PSPH: variants seen among roughly 807,000 people sequenced by gnomAD.
The protein encoded by PSPH is L-3-phosphoserine phosphatase.
Under a neutral mutation model 23.4 loss-of-function variants are expected in PSPH, and 16 were observed. That is an observed-to-expected ratio of 0.68 (90% confidence interval 0.46 to 1.04). The LOEUF (loss-of-function observed/expected upper bound fraction) is 1.04. PSPH is among the 50% of genes least tolerant of loss of function. The probability of loss-of-function intolerance (pLI) is 0.00; values close to 1 mark genes in which losing one functional copy is unlikely to be tolerated. For missense variants in PSPH, 223 were observed against 273.7 expected (o/e 0.81, Z 1.31); for synonymous variants, 68 against 99.7 (o/e 0.68, Z 1.89).
chr7:56,017,850 G>A (rs951844124), intron 5 of PSPH, among the ~76,000 whole-genome samples: 7 of 151,408 alleles, frequency 4.6e-5, no homozygotes, highest in African/African-American at 1.5e-4. Flanking sequence ...AGCCTCCCGA[G>A]TAGCTGGGAC....
At chr7:56,025,033 ACCTCAAATGATCCTCCTG>A (rs1016532464) in intron 3 of PSPH, among the ~76,000 whole-genome samples, 2 of 151,576 alleles carry the variant, frequency 1.3e-5, no homozygotes, top group African/African-American at 4.8e-5. Context: ...CGAACTCCTG[ACCTCAAATGATCCTCCTG>A]CCTCAGCCTC....
Position 56,023,227 on chromosome 7 carries a change from T to C in PSPH, c.-19-1996A>G, listed in dbSNP as rs1382820651. Among the ~76,000 whole-genome samples the C allele has an allele frequency of 2.6e-5, 4 of 152,080 alleles. No individual in the cohort carries two copies. In the East Asian group the frequency reaches 7.7e-4, roughly 29 times the overall value. ...CAGGAAGAAACTCTGGAAGCCACAC[T>C]GCTACAGAAGCTGCAGAGGACAGAG... On this transcript the variant is annotated intron_variant, in intron 3 of 7. Coordinates refer to ENST00000275605, the MANE Select transcript of PSPH (RefSeq NM_004577.4).
At chr7:56,015,728 G>A (rs944456360) in intron 6 of PSPH, among the ~76,000 whole-genome samples, 14 of 151,664 alleles carry the variant, frequency 9.2e-5, no homozygotes, top group African/African-American at 2.7e-4. Context: ...GTGTGATCTC[G>A]GCTCACTGCA....
intron 3 of PSPH, among the ~76,000 whole-genome samples, chr7:56,025,738 C>T (rs1440725443): frequency 6.6e-6 from 1 of 152,122 alleles, no homozygotes; most frequent in Non-Finnish European, 1.5e-5. Flanking sequence ...AGACTATAGG[C>T]ACGTGCCACC....
chr7:56,040,317 A>C (rs1305800970), intron 1 of PSPH, among the ~76,000 whole-genome samples: 1 of 152,120 alleles, frequency 6.6e-6, no homozygotes, highest in Non-Finnish European at 1.5e-5. Flanking sequence ...GTCTATATCC[A>C]GGTATGATAT....
At chr7:56,047,468 C>T (rs1317099898) in intron 1 of PSPH, among the ~76,000 whole-genome samples, 1 of 151,918 alleles carries the variant, frequency 6.6e-6, no homozygotes, top group African/African-American at 2.4e-5. Context: ...CATATTTTCC[C>T]ATAAGATGCT....
In PSPH at chr7:56,011,800, T is replaced by C. The variant is rs1320982391; in HGVS notation, c.640A>G (p.Thr214Ala). The stretch of plus-strand genomic sequence containing the variant: ...TCTCCCAGCAGCTCTACAAAATCAG[T>C]GATATACCATTTGGCGTTATCCTTG... Reference protein sequence around the residue: ...QVKDNAKWYITDFVELLGELE... With the variant: ...QVKDNAKWYIADFVELLGELE... The change falls in exon 8 of 8, where the codon ACT becomes GCT. Residue 214 changes from threonine to alanine, a missense_variant. By Grantham distance (58) the Thr-to-Ala change is moderately conservative. Transcript: ENST00000275605. 1.2e-6 allele frequency: 2 copies of C among 1,613,226 alleles called. No individual in the cohort carries two copies.
At chr7:56,021,300 C>G in intron 3 of PSPH, 69 bp from the exon 4 acceptor site, 2 of 1,433,448 alleles carry the variant, frequency 1.4e-6, no homozygotes. Flanking sequence ...ACCTTGCCTA[C>G]TAAGCCAATC....
At chr7:56,025,740 C>T (rs532778774) in intron 3 of PSPH, among the ~76,000 whole-genome samples, 2 of 152,228 alleles carry the variant, frequency 1.3e-5, no homozygotes, top group South Asian at 2.1e-4. Context: ...ACTATAGGCA[C>T]GTGCCACCAC....
chr7:56,028,104 C>T (rs1475752394), intron 3 of PSPH, among the ~76,000 whole-genome samples: 1 of 151,772 alleles, frequency 6.6e-6, no homozygotes, highest in Admixed American at 6.6e-5. Flanking sequence ...AGGTACATTT[C>T]CTCCACTAAA....
In PSPH at chr7:56,034,050, C is replaced by T. The variant is rs888151796; in HGVS notation, c.-235G>A. 6 of 152,608 alleles carry T rather than the reference C, an allele frequency of 3.9e-5. No homozygotes were observed. The highest frequency in any genetic ancestry group is 1.4e-4 in the African/African-American group (6 of 41,478). The allele number at this position is 152,608 out of a possible 1,614,324, so 9.5% of individuals were successfully genotyped here. ...GCTCCGACGCTCGGGCGAGCAGTTCCCAGGGAGGTGAGCTGTGCAGACCCA... is the reference window on the plus strand; with the variant it reads ...GCTCCGACGCTCGGGCGAGCAGTTCTCAGGGAGGTGAGCTGTGCAGACCCA... On this transcript the variant is annotated 5_prime_UTR_variant, in exon 2 of 8. Transcript: ENST00000275605.
intron 7 of PSPH, 78 bp from the exon 8 acceptor site, chr7:56,011,947 C>T (rs1374065413): frequency 8.2e-7 from 1 of 1,214,794 alleles, no homozygotes; most frequent in African/African-American, 1.5e-5. Flanking sequence ...GCTCTGTCAC[C>T]CAGGCTGGAG....
intron 6 of PSPH, among the ~76,000 whole-genome samples, chr7:56,016,058 A>T (rs1384592976): frequency 1.3e-5 from 2 of 151,822 alleles, no homozygotes; most frequent in East Asian, 3.9e-4. Context: ...TAATTACCAC[A>T]CTCATTCTTG....
At chr7:56,017,472 T>C in intron 5 of PSPH, 93 bp from the exon 6 acceptor site, 1 of 1,548,072 alleles carries the variant, frequency 6.5e-7, no homozygotes, top group Non-Finnish European at 8.7e-7. Flanking sequence ...AGATACATTT[T>C]CTTCTCCTGA....
At position 56,051,160 on chromosome 7, in the gene PSPH, G is replaced by A. The variant is rs1793998049; in HGVS notation, c.-314C>T. 1 of 152,236 alleles carries A rather than the reference G, an allele frequency of 6.6e-6. No individual in the cohort carries two copies. Among genetic ancestry groups the A allele is most frequent in the Admixed American group, 6.5e-5 (1 of 15,270 alleles). 9.4% of individuals were successfully genotyped at this position (152,236 alleles called of 1,614,324 possible). A position where few individuals can be genotyped will look rare whatever the true frequency, so the allele number is the denominator to read the frequency against. ...TACCTTAAAAGGGAGTCCGCTCAAAGGCAGGAATGACTCTACAAGGGTGAA... is the reference window on the plus strand; with the variant it reads ...TACCTTAAAAGGGAGTCCGCTCAAAAGCAGGAATGACTCTACAAGGGTGAA... On this transcript the variant is annotated 5_prime_UTR_variant, in exon 1 of 8. Coordinates refer to ENST00000275605, the MANE Select transcript of PSPH (RefSeq NM_004577.4).
chr7:56,026,308 T>A (rs989585694), intron 3 of PSPH, among the ~76,000 whole-genome samples: 1 of 151,316 alleles, frequency 6.6e-6, no homozygotes, highest in African/African-American at 2.4e-5. Context: ...AAACCCCATC[T>A]CTACTAAAAA....
intron 7 of PSPH, among the ~76,000 whole-genome samples, chr7:56,014,336 C>T (rs534030833): frequency 3.2e-4 from 49 of 152,194 alleles, no homozygotes; most frequent in African/African-American, 1.2e-3. Flanking sequence ...GGGGATAAGG[C>T]ATTGTTAAAA....
At chr7:56,012,547 C>T (rs71543777) in intron 7 of PSPH, among the ~76,000 whole-genome samples, 8,299 of 151,840 alleles carry the variant, frequency 0.055, 296 homozygotes, top group Admixed American at 0.078. Flanking sequence ...TACTTTTATG[C>T]ATTCCTCATT....
At chr7:56,022,111 T>A (rs1789556426) in intron 3 of PSPH, among the ~76,000 whole-genome samples, 1 of 152,018 alleles carries the variant, frequency 6.6e-6, no homozygotes, top group African/African-American at 2.4e-5. Context: ...GAGGATTGCT[T>A]GAGGCCAGGA....
Sources: allele counts gnomAD v4.1 joint callset (sites outside exome capture counted in the v4.1 genomes callset), GRCh38; gene constraint gnomAD v4.1.1; transcripts MANE v1.5; gene names NCBI Gene and HGNC (gene_info 2026-07-23, HGNC 2026-07-21).